PLEKHG1: variants seen among roughly 807,000 people sequenced by gnomAD.
The protein encoded by PLEKHG1 is pleckstrin homology domain-containing family G member 1.
A neutral mutation model predicts 100.8 loss-of-function variants in PLEKHG1; 44 were observed. The ratio of observed to expected loss-of-function variants is 0.44; its 90% CI spans 0.34 to 0.56. The LOEUF (loss-of-function observed/expected upper bound fraction) is 0.56, where lower values mean the gene tolerates loss of function less well. Ranked by LOEUF, PLEKHG1 falls within the 20% of genes least tolerant of loss-of-function variation. The pLI, the probability that PLEKHG1 is intolerant of heterozygous loss-of-function variation, is 0.01. For synonymous variants in PLEKHG1, 640 were observed against 662.5 expected, an observed-to-expected ratio of 0.97 and a Z score of 0.52; for missense variants, 1,545 against 1,720.9, an observed-to-expected ratio of 0.90 and a Z score of 1.81.
intron 1 of PLEKHG1, among the ~76,000 whole-genome samples, chr6:150,621,622 G>T (rs1285392653): frequency 1.3e-5 from 2 of 152,134 alleles, no homozygotes; most frequent in Admixed American, 6.5e-5. Flanking sequence ...TGATCCTCCA[G>T]CCTTAGCCTC....
chr6:150,679,613 G>T (rs1347265406), intron 3 of PLEKHG1, among the ~76,000 whole-genome samples: 2 of 152,158 alleles, frequency 1.3e-5, no homozygotes, highest in African/African-American at 4.8e-5. Flanking sequence ...AAGTCCTCAG[G>T]GCAGTATAGT....
intron 3 of PLEKHG1, among the ~76,000 whole-genome samples, chr6:150,655,527 T>C (rs1459950778): frequency 6.6e-6 from 1 of 151,720 alleles, no homozygotes; most frequent in Non-Finnish European, 1.5e-5. Flanking sequence ...GCTAACACGA[T>C]GAAACCCCGT....
intron 13 of PLEKHG1, among the ~76,000 whole-genome samples, chr6:150,822,339 G>C (rs1776354713): frequency 6.6e-6 from 1 of 152,174 alleles, no homozygotes; most frequent in Non-Finnish European, 1.5e-5. Flanking sequence ...CTCCAAAACT[G>C]TTGGTGGGAG....
intron 14 of PLEKHG1, among the ~76,000 whole-genome samples, chr6:150,829,389 G>A (rs569440509): frequency 7.9e-5 from 12 of 152,276 alleles, no homozygotes; most frequent in African/African-American, 2.2e-4. Flanking sequence ...CAAGGTGGGC[G>A]GATCTCTTGA....
intron 1 of PLEKHG1, among the ~76,000 whole-genome samples, chr6:150,732,910 C>T (rs1006008684): frequency 6.6e-6 from 1 of 152,186 alleles, no homozygotes; most frequent in Admixed American, 6.5e-5. Context: ...TTGACTGAAA[C>T]ATCATTATGC....
intron 3 of PLEKHG1, among the ~76,000 whole-genome samples, chr6:150,661,715 G>A (rs1395347983): frequency 6.6e-6 from 1 of 152,172 alleles, no homozygotes; most frequent in Non-Finnish European, 1.5e-5. Context: ...TGATATTAGA[G>A]TTTAGAGATA....
chr6:150,615,705 G>T (rs1303031364), intron 1 of PLEKHG1, among the ~76,000 whole-genome samples: 1 of 152,314 alleles, frequency 6.6e-6, no homozygotes, highest in Admixed American at 6.5e-5. Context: ...TTCTACCGAG[G>T]AATAAGCAGA....
At chr6:150,734,424 C>A (rs1782457847) in intron 2 of PLEKHG1, among the ~76,000 whole-genome samples, 1 of 152,202 alleles carries the variant, frequency 6.6e-6, no homozygotes, top group Non-Finnish European at 1.5e-5. Context: ...CTCAAGTCTC[C>A]TGGAGCATGA....
At chr6:150,843,528 A>G (rs1474672535) in exon 16 of PLEKHG1, 5 of 152,088 alleles carry the variant, frequency 3.3e-5, no homozygotes, top group Non-Finnish European at 7.4e-5. Context: ...AATTTTTTTT[A>G]TATAAGTTTA....
At chr6:150,810,527 AAAGAAAGAAAGG>A (rs1214070173) in intron 10 of PLEKHG1, among the ~76,000 whole-genome samples, 60 of 88,146 alleles carry the variant, frequency 6.8e-4, no homozygotes, top group Admixed American at 3.1e-3. Flanking sequence ...AGAAAGAAAG[AAAGAAAGAAAGG>A]AAGAAAGGAA....
At chr6:150,810,535 AAAGG>A (rs1327058416) in intron 10 of PLEKHG1, among the ~76,000 whole-genome samples, 9 of 127,418 alleles carry the variant, frequency 7.1e-5, no homozygotes, top group African/African-American at 2.7e-4. Context: ...AGAAAGAAAG[AAAGG>A]AAGAAAGGAA....
intron 3 of PLEKHG1, among the ~76,000 whole-genome samples, chr6:150,670,225 T>C (rs1422012588): frequency 6.6e-6 from 1 of 152,218 alleles, no homozygotes; most frequent in Non-Finnish European, 1.5e-5. Context: ...ATCAGTAACA[T>C]TGTGGGTTTT....
At chr6:150,631,432 C>T (rs1217037697) in intron 1 of PLEKHG1, among the ~76,000 whole-genome samples, 1 of 152,210 alleles carries the variant, frequency 6.6e-6, no homozygotes, top group Non-Finnish European at 1.5e-5. Flanking sequence ...CACCCCATCC[C>T]CTACACACAG....
At chr6:150,801,437 C>CTTTTTT (rs35282307) in intron 6 of PLEKHG1, among the ~76,000 whole-genome samples, 6 of 108,786 alleles carry the variant, frequency 5.5e-5, no homozygotes, top group African/African-American at 1.4e-4. Flanking sequence ...CTTTTCTTTT[C>CTTTTTT]TTTTTTTTTT....
upstream of PLEKHG1, chr6:150,721,063 T>A (rs1441374830): frequency 5.3e-6 from 4 of 750,534 alleles, no homozygotes; most frequent in Non-Finnish European, 6.5e-6. Flanking sequence ...TGTGTTGGGT[T>A]TGGGAGATAA....
intron 3 of PLEKHG1, chr6:150,651,882 C>A (rs146995050): frequency 2.2e-3 from 331 of 152,000 alleles, no homozygotes; most frequent in African/African-American, 7.9e-3. Context: ...AAGTCTTTAA[C>A]TATTTTGTAT....
At chr6:150,806,060 C>T (rs1787071866) in intron 7 of PLEKHG1, among the ~76,000 whole-genome samples, 1 of 152,108 alleles carries the variant, frequency 6.6e-6, no homozygotes. Flanking sequence ...AGTGACTCCA[C>T]ACTATACAGA....
At chr6:150,799,126 TGAA>T (rs1264335642) in intron 5 of PLEKHG1, among the ~76,000 whole-genome samples, 1 of 152,192 alleles carries the variant, frequency 6.6e-6, no homozygotes, top group Non-Finnish European at 1.5e-5. Flanking sequence ...TTGTTCTCAG[TGAA>T]GAAGACATGT....
intron 2 of PLEKHG1, among the ~76,000 whole-genome samples, chr6:150,763,024 C>CT (rs60462437): frequency 0.73 from 55,667 of 76,478 alleles, 21,654 homozygotes; most frequent in South Asian, 0.81. Context: ...GATAAAGCTT[C>CT]TTTTTTTTTT....
Sources: allele counts gnomAD v4.1 joint callset (sites outside exome capture counted in the v4.1 genomes callset), GRCh38; gene constraint gnomAD v4.1.1; transcripts MANE v1.5; gene names NCBI Gene and HGNC (gene_info 2026-07-23, HGNC 2026-07-21).